Variants in COL4A6 observed in about 807,000 individuals in gnomAD.
COL4A6 encodes the protein collagen type IV alpha 6 chain, also known as collagen alpha-6(IV) chain.
COL4A6 carries 59 observed loss-of-function variants against 126.7 expected under a neutral mutation model. The observed-to-expected ratio is 0.47, with a 90% CI of 0.38 to 0.58. The LOEUF (loss-of-function observed/expected upper bound fraction) is 0.58. Among genes scored for constraint, COL4A6 ranks in the 20% least tolerant of loss-of-function variants. The probability of loss-of-function intolerance (pLI) is 0.00; values close to 1 mark genes in which losing one functional copy is unlikely to be tolerated. For synonymous variants in COL4A6, 547 were observed against 496.6 expected, an observed-to-expected ratio of 1.10 and a Z score of -1.35; for missense variants, 1,285 against 1,337.3, an observed-to-expected ratio of 0.96 and a Z score of 0.61.
intron 2 of COL4A6, among the ~76,000 whole-genome samples, chrX:108,343,165 AGTGTGTGT>A (rs55685604): frequency 1.3e-4 from 4 of 31,417 alleles, no homozygotes; most frequent in African/African-American, 3.6e-4. Context: ...ATATATATAT[AGTGTGTGT>A]GTGTGTGTGT....
chrX:108,428,934 A>G (rs1433418612), intron 2 of COL4A6, among the ~76,000 whole-genome samples: 1 of 112,336 alleles, frequency 8.9e-6, no homozygotes, highest in Non-Finnish European at 1.9e-5. Context: ...CCATATAGCA[A>G]TCATACTCCT....
chrX:108,264,253 T>A (rs1218000502), intron 3 of COL4A6, among the ~76,000 whole-genome samples: 1 of 111,323 alleles, frequency 9.0e-6, no homozygotes, highest in East Asian at 2.8e-4. Context: ...TTATGCAGAG[T>A]AATTTATCTA....
At chrX:108,327,939 T>G (rs974222655) in intron 2 of COL4A6, among the ~76,000 whole-genome samples, 3 of 111,116 alleles carry the variant, frequency 2.7e-5, no homozygotes, top group African/African-American at 9.8e-5. Context: ...TCAATGAAAT[T>G]TGTAAAATAT....
intron 2 of COL4A6, among the ~76,000 whole-genome samples, chrX:108,419,588 C>T (rs909431129): frequency 8.9e-6 from 1 of 111,937 alleles, no homozygotes; most frequent in African/African-American, 3.2e-5. Context: ...AATAATAGGA[C>T]GTGGCATAAT....
intron 2 of COL4A6, among the ~76,000 whole-genome samples, chrX:108,322,042 A>G (rs2039043906): frequency 9.0e-6 from 1 of 111,561 alleles, no homozygotes; most frequent in Admixed American, 9.6e-5. Context: ...CCCTTAAACT[A>G]GGCCCCGTTT....
At chrX:108,298,742 G>A (rs2038402481) in intron 3 of COL4A6, among the ~76,000 whole-genome samples, 1 of 109,170 alleles carries the variant, frequency 9.2e-6, no homozygotes, top group African/African-American at 3.3e-5. Flanking sequence ...CAGGGAGGGG[G>A]CAGGCGGACT....
chrX:108,290,123 T>C (rs999632368), intron 3 of COL4A6, among the ~76,000 whole-genome samples: 1 of 112,237 alleles, frequency 8.9e-6, no homozygotes, highest in African/African-American at 3.2e-5. Flanking sequence ...TCTCAGAAGA[T>C]TGCTAACAAA....
chrX:108,343,160 TATATA>T (rs1316127563), intron 2 of COL4A6, among the ~76,000 whole-genome samples: 1,069 of 52,175 alleles, frequency 0.02, 11 homozygotes, highest in East Asian at 0.037. Context: ...TATATATATA[TATATA>T]GTGTGTGTGT....
chrX:108,289,886 A>C (rs1294162593), intron 3 of COL4A6, among the ~76,000 whole-genome samples: 1 of 112,129 alleles, frequency 8.9e-6, no homozygotes, highest in African/African-American at 3.2e-5. Context: ...ATTGGCTGGC[A>C]CTGGTTTGCA....
rs1311332763 is a variant in COL4A6, at chrX:108,435,261, G to A, written c.63+2681C>T. Among the ~76,000 whole-genome samples, 20 of 111,737 alleles carry A rather than the reference G, an allele frequency of 1.8e-4. No individual in the cohort carries two copies. In the Admixed American group the frequency reaches 1.9e-3, roughly 11 times the overall value. ...TTTCCTGAAAGCTCATTTGGAGGGG[G>A]CAAAGTGTGAAGAAAACATAAGGAT... On this transcript the variant is annotated intron_variant, in intron 2 of 44. Transcript: ENST00000334504.
At chrX:108,267,702 C>T (rs1248100465) in intron 3 of COL4A6, 1 of 112,701 alleles carries the variant, frequency 8.9e-6, no homozygotes, top group African/African-American at 3.2e-5. Context: ...TCATTCACCA[C>T]TCTGGTGATG....
Position 108,187,992 on chromosome X carries a change from T to C in COL4A6, c.1623A>G (p.Lys541=). ...LVGPLGPSGP[K]GKKGEPILST... ...TGAGAATTGGTTCCCCCTTCTTTCCTTTGGGTCCTGAAGGACCCAGAGGCC... is the reference window on the plus strand; with the variant it reads ...TGAGAATTGGTTCCCCCTTCTTTCCCTTGGGTCCTGAAGGACCCAGAGGCC... Residue 541 remains lysine (K), a synonymous_variant, in exon 22 of 45, where the codon AAA becomes AAG. Coordinates refer to ENST00000334504, the MANE Select transcript of COL4A6 (RefSeq NM_033641.4). 1 of 1,201,982 alleles carries C rather than the reference T, an allele frequency of 8.3e-7. No individual in the cohort carries two copies. Among genetic ancestry groups the C allele is most frequent in the Non-Finnish European group, 1.1e-6 (1 of 889,023 alleles).
intron 2 of COL4A6, among the ~76,000 whole-genome samples, chrX:108,365,738 T>A (rs2040185140): frequency 8.9e-6 from 1 of 111,839 alleles, no homozygotes; most frequent in Admixed American, 9.5e-5. Flanking sequence ...ATTCAGTAAG[T>A]CTGGGCAAGA....
At chrX:108,415,560 C>A (rs969392569) in intron 2 of COL4A6, among the ~76,000 whole-genome samples, 1 of 111,894 alleles carries the variant, frequency 8.9e-6, no homozygotes, top group African/African-American at 3.2e-5. Flanking sequence ...CCCTACCTAT[C>A]TGATATAACT....
intron 3 of COL4A6, among the ~76,000 whole-genome samples, chrX:108,264,998 T>C (rs1395883576): frequency 8.9e-6 from 1 of 112,026 alleles, no homozygotes; most frequent in Admixed American, 9.5e-5. Context: ...AGCTTTCTTA[T>C]CTACAAAATA....
chrX:108,254,280 A>G (rs1463677416), intron 3 of COL4A6, among the ~76,000 whole-genome samples: 1 of 110,260 alleles, frequency 9.1e-6, no homozygotes, highest in African/African-American at 3.3e-5. Flanking sequence ...GATTCCTCCT[A>G]AAAGAGGAAT....
In COL4A6 at chrX:108,426,507, C is replaced by T. The variant is rs1200732519; in HGVS notation, c.63+11435G>A. 3.6e-5 allele frequency among the ~76,000 whole-genome samples: 4 copies of T among 111,819 alleles called. No homozygotes were observed. In the East Asian group the frequency reaches 8.4e-4, roughly 23 times the overall value. On this transcript the variant is annotated intron_variant, in intron 2 of 44. Coordinates refer to ENST00000334504, the MANE Select transcript of COL4A6 (RefSeq NM_033641.4). The stretch of plus-strand genomic sequence containing the variant: ...AGATGCCTGGGGCGGTGTCTTTGGG[C>T]ATAATCTTTAGTTGGGAAGCAGGTC...
In COL4A6 at chrX:108,202,915, T is replaced by C. The variant is rs774137119; in HGVS notation, c.834+13A>G. On this transcript the variant is annotated intron_variant, in intron 13 of 44. Coordinates refer to ENST00000334504, the MANE Select transcript of COL4A6 (RefSeq NM_033641.4). ...GACCCTTGTATACATATTGATCAAA[T>C]AGAGAGACTTACCGGGAAGCCTGGA... The C allele has an allele frequency of 5.0e-6, 6 of 1,198,600 alleles. No individual in the cohort carries two copies. Among genetic ancestry groups the C allele is most frequent in the East Asian group, 3.0e-5 (1 of 33,709 alleles).
chrX:108,396,070 TAAATAATAAC>T (rs1246170960), intron 2 of COL4A6, among the ~76,000 whole-genome samples: 2 of 111,543 alleles, frequency 1.8e-5, no homozygotes, highest in East Asian at 5.5e-4. Flanking sequence ...AACATATTAA[TAAATAATAAC>T]AAATAAAATT....
Sources: gnomAD v4.1 joint callset for allele counts (sites outside exome capture counted in the v4.1 genomes callset) on GRCh38, gnomAD v4.1.1 for gene constraint, MANE v1.5 for transcripts, NCBI Gene and HGNC (gene_info 2026-07-23, HGNC 2026-07-21) for gene names.